The following FNBP1 variants were observed in gnomAD, a reference collection of about 807,000 sequenced individuals.
FNBP1 encodes formin-binding protein 1.
FNBP1 carries 26 observed loss-of-function variants against 90.6 expected under a neutral mutation model. That is an observed-to-expected ratio of 0.29 (90% CI 0.21 to 0.40). FNBP1 has a LOEUF of 0.40. FNBP1 is among the 10% of genes least tolerant of loss of function. The probability of loss-of-function intolerance (pLI) is 1.00; values close to 1 mark genes in which losing one functional copy is unlikely to be tolerated. For synonymous variants in FNBP1, 260 were observed against 265.2 expected, an observed-to-expected ratio of 0.98 and a Z score of 0.19; for missense variants, 635 against 768.0, an observed-to-expected ratio of 0.83 and a Z score of 2.05.
At chr9:129,901,400 G>A (rs1406466058) in intron 13 of FNBP1, among the ~76,000 whole-genome samples, 5 of 152,010 alleles carry the variant, frequency 3.3e-5, no homozygotes, top group African/African-American at 1.2e-4. Flanking sequence ...AGCTGGGCAT[G>A]GTGGCACATG....
chr9:129,951,724 C>A (rs1588820575), intron 6 of FNBP1, among the ~76,000 whole-genome samples: 2 of 151,842 alleles, frequency 1.3e-5, no homozygotes, highest in South Asian at 4.2e-4. Flanking sequence ...GGATTACAGG[C>A]ATGAGCCACT....
rs1485683480 is a variant in FNBP1, at chr9:129,984,954, T to A, written c.141-5580A>T. Among the ~76,000 whole-genome samples the A allele has an allele frequency of 2.6e-5, 4 of 152,122 alleles. No homozygotes were observed. In the South Asian group the frequency reaches 6.2e-4, roughly 24 times the overall value. On this transcript the variant is annotated intron_variant, in intron 2 of 16. Transcript: ENST00000446176. ...CTTTTTCTTCCCAGTCTCGGGTATGTCTTTATCAGCAGCGTGAAAATGGAC... is the reference window on the plus strand; with the variant it reads ...CTTTTTCTTCCCAGTCTCGGGTATGACTTTATCAGCAGCGTGAAAATGGAC...
rs2036335670 is a variant in FNBP1, at chr9:129,898,985, A to G, written c.1687+980T>C. On this transcript the variant is annotated intron_variant, in intron 15 of 16. Coordinates refer to ENST00000446176, the MANE Select transcript of FNBP1 (RefSeq NM_015033.3). Reference sequence around the variant, plus strand: ...AGCTCTCTGGAAGCTGTTAAGTTATACGAACCAAAAGTCAAAATATACAAC... The same window carrying G: ...AGCTCTCTGGAAGCTGTTAAGTTATGCGAACCAAAAGTCAAAATATACAAC... 2.6e-5 allele frequency among the ~76,000 whole-genome samples: 4 copies of G among 152,124 alleles called. No homozygotes were observed. The South Asian group carries it at 8.3e-4, about 31-fold the overall frequency.
chr9:129,913,327 C>G (rs2039674202), intron 11 of FNBP1, among the ~76,000 whole-genome samples: 1 of 152,198 alleles, frequency 6.6e-6, no homozygotes, highest in Non-Finnish European at 1.5e-5. Context: ...ATCAGTAAAA[C>G]ACATTGTACT....
intron 6 of FNBP1, among the ~76,000 whole-genome samples, chr9:129,942,211 A>G (rs1432563907): frequency 3.3e-5 from 5 of 152,238 alleles, no homozygotes; most frequent in Non-Finnish European, 7.3e-5. Context: ...AAGAAAATTT[A>G]CCAGTCACAA....
chr9:130,020,248 C>A (rs1271855006), intron 1 of FNBP1, among the ~76,000 whole-genome samples: 1 of 152,116 alleles, frequency 6.6e-6, no homozygotes, highest in Non-Finnish European at 1.5e-5. Context: ...AGCTTTGTAG[C>A]CCAGGCTGGA....
chr9:129,997,111 A>G (rs6478938), intron 1 of FNBP1, among the ~76,000 whole-genome samples: 147,182 of 151,942 alleles, frequency 0.97, 71,468 homozygotes, highest in East Asian at 1. Flanking sequence ...GATCACTTGA[A>G]GCCAGGAGTT....
Position 129,900,340 on chromosome 9 carries a change from T to A in FNBP1, c.1550+86A>T, listed in dbSNP as rs1564265753. 1 of 1,370,316 alleles carries A rather than the reference T, an allele frequency of 7.3e-7. No homozygotes were observed. The allele number at this position is 1,370,316 out of a possible 1,614,324, so 84.9% of individuals were successfully genotyped here. ...ATTTTGGCATTGAACAAGTGCCTTATGGTCATTCCAGATTCCAAAATTTAG... is the reference window on the plus strand; with the variant it reads ...ATTTTGGCATTGAACAAGTGCCTTAAGGTCATTCCAGATTCCAAAATTTAG... On this transcript the variant is annotated intron_variant, in intron 14 of 16. Coordinates refer to ENST00000446176, the MANE Select transcript of FNBP1 (RefSeq NM_015033.3). The surrounding 1 kb of genome is among the most constrained non-coding windows in gnomAD (Gnocchi z 4.1).
chr9:129,897,684 C>T (rs2036025126), intron 15 of FNBP1, among the ~76,000 whole-genome samples: 1 of 152,172 alleles, frequency 6.6e-6, no homozygotes, highest in African/African-American at 2.4e-5. Context: ...TAGCCCTGAA[C>T]TCTTGGCCTC....
chr9:129,981,050 CAAA>C (rs71385498), intron 2 of FNBP1, among the ~76,000 whole-genome samples: 33 of 120,454 alleles, frequency 2.7e-4, no homozygotes, highest in Admixed American at 3.3e-4. Context: ...GACTCCGTCT[CAAA>C]AAAAAAAAAA....
At chr9:129,990,700 T>A (rs1316844957) in intron 2 of FNBP1, among the ~76,000 whole-genome samples, 1 of 152,010 alleles carries the variant, frequency 6.6e-6, no homozygotes, top group Non-Finnish European at 1.5e-5. Context: ...AATCAGGGAA[T>A]AGGGGATAGA....
Position 130,031,786 on chromosome 9 carries a change from C to T in FNBP1, c.24+11166G>A, listed in dbSNP as rs747056765. On this transcript the variant is annotated intron_variant, in intron 1 of 16. Transcript: ENST00000446176. This position sits in a 1 kb window ranked among gnomAD's most constrained non-coding sequence, Gnocchi z 4.2. The stretch of plus-strand genomic sequence containing the variant: ...AAGCGATTCTCCTGCCTCAGCCTCC[C>T]GAGTAGCTGGGATTACAGGCGAGCG... 7.9e-5 allele frequency among the ~76,000 whole-genome samples: 12 copies of T among 152,090 alleles called. No individual in the cohort carries two copies. Among genetic ancestry groups the T allele is most frequent in the South Asian group, 2.1e-4 (1 of 4,804 alleles).
At chr9:129,993,479 T>TAAAA (rs71385500) in intron 2 of FNBP1, among the ~76,000 whole-genome samples, 1 of 141,134 alleles carries the variant, frequency 7.1e-6, no homozygotes, top group Non-Finnish European at 1.5e-5. Context: ...CCAAAGTACT[T>TAAAA]AAAAAAAAAA....
At chr9:130,044,481 T>C (rs2060036664), upstream of FNBP1, among the ~76,000 whole-genome samples, 1 of 146,960 alleles carries the variant, frequency 6.8e-6, no homozygotes, top group East Asian at 2.0e-4. Flanking sequence ...AAAAAAAAGT[T>C]AGCTGGGCAT....
At chr9:130,032,112 A>C (rs1478569820) in intron 1 of FNBP1, among the ~76,000 whole-genome samples, 3 of 152,092 alleles carry the variant, frequency 2.0e-5, no homozygotes, top group Non-Finnish European at 4.4e-5. Context: ...CGTACACCTT[A>C]CTTTTGAAAC....
chr9:129,925,235 G>T, intron 8 of FNBP1, 78 bp from the exon 9 acceptor site: 3 of 1,164,834 alleles, frequency 2.6e-6, no homozygotes, highest in South Asian at 1.3e-5. Context: ...GGCCAGGTGC[G>T]GTGGCTCATG....
At chr9:129,904,403 A>G (rs377088228) in intron 12 of FNBP1, among the ~76,000 whole-genome samples, 1 of 152,096 alleles carries the variant, frequency 6.6e-6, no homozygotes, top group Admixed American at 6.5e-5. Context: ...CCCTTGTTGC[A>G]GGGCACTTTT....
At chr9:129,997,000 G>GT (rs1244243470) in intron 1 of FNBP1, among the ~76,000 whole-genome samples, 12 of 150,776 alleles carry the variant, frequency 8.0e-5, no homozygotes, top group South Asian at 2.1e-4. Flanking sequence ...CGGCCGGCCT[G>GT]TTTTTTTTTA....
chr9:130,048,680 A>G, the FNBP1 span, among the ~76,000 whole-genome samples: 22 of 143,962 alleles, frequency 1.5e-4, no homozygotes, highest in South Asian at 8.8e-4. Context: ...GGGTTTCACC[A>G]TGTTAGCCAG....
Sources: gnomAD v4.1 joint callset for allele counts (sites outside exome capture counted in the v4.1 genomes callset) on GRCh38, gnomAD v4.1.1 for gene constraint, Gnocchi (gnomAD v3.1) non-coding constraint, MANE v1.5 for transcripts, NCBI Gene and HGNC (gene_info 2026-07-23, HGNC 2026-07-21) for gene names.